The following TENT5C variants were observed in gnomAD, a reference collection of about 807,000 sequenced individuals.
TENT5C encodes terminal nucleotidyltransferase 5C.
A neutral mutation model predicts 22.2 loss-of-function variants in TENT5C; 5 were observed. The ratio of observed to expected loss-of-function variants is 0.22; its 90% CI spans 0.12 to 0.47. The LOEUF is 0.47. TENT5C is among the 20% of genes least tolerant of loss of function. TENT5C has a pLI of 0.99. For synonymous variants in TENT5C, 199 were observed against 195.4 expected, an observed-to-expected ratio of 1.02 and a Z score of -0.15; for missense variants, 364 against 500.9, an observed-to-expected ratio of 0.73 and a Z score of 2.61.
Position 117,624,340 on chromosome 1 carries a change from G to C in TENT5C, c.*296G>C, listed in dbSNP as rs1215884130. On this transcript the variant is annotated 3_prime_UTR_variant, in exon 2 of 2. Transcript: ENST00000369448. ...TGTCATGTCCCAAACATTAGCACGTGGGGGTTGAGCTCTGTGCAGTAATCG... is the reference window on the plus strand; with the variant it reads ...TGTCATGTCCCAAACATTAGCACGTCGGGGTTGAGCTCTGTGCAGTAATCG... 5.0e-6 allele frequency: 2 copies of C among 396,880 alleles called. No homozygotes were observed. Among genetic ancestry groups the C allele is most frequent in the Non-Finnish European group, 4.7e-6 (1 of 213,136 alleles). The allele number at this position is 396,880 out of a possible 1,614,324, so 24.6% of individuals were successfully genotyped here.
In TENT5C at chr1:117,624,763, A is replaced by G. The variant is rs751565800; in HGVS notation, c.*719A>G. 6 of 248,000 alleles carry G rather than the reference A, an allele frequency of 2.4e-5. No individual in the cohort carries two copies. The highest frequency in any genetic ancestry group is 4.2e-5 in the Non-Finnish European group (5 of 118,130). The allele number at this position is 248,000 out of a possible 1,614,324, so 15.4% of individuals were successfully genotyped here. On this transcript the variant is annotated 3_prime_UTR_variant, in exon 2 of 2. Transcript: ENST00000369448. Reference sequence around the variant, plus strand: ...ACCTTTTCTTGAAATGTAACTTGAAAACAAAATAAAATGTGGAACATAATG... The same window carrying G: ...ACCTTTTCTTGAAATGTAACTTGAAGACAAAATAAAATGTGGAACATAATG...
intron 1 of TENT5C, among the ~76,000 whole-genome samples, chr1:117,610,253 G>A (rs115790157): frequency 2.0e-5 from 3 of 152,044 alleles, no homozygotes; most frequent in African/African-American, 4.8e-5. Context: ...CCATCCAAGC[G>A]CACAGGGACT....
intron 1 of TENT5C, among the ~76,000 whole-genome samples, chr1:117,615,923 GA>G (rs1365483180): frequency 1.3e-5 from 2 of 152,352 alleles, no homozygotes; most frequent in East Asian, 3.9e-4. Flanking sequence ...ATAGTGAACA[GA>G]AGGTTGCTGT....
In TENT5C at chr1:117,625,445, G is replaced by T; in HGVS notation, c.*1401G>T. 4.0e-6 allele frequency: 1 copy of T among 248,174 alleles called. No homozygotes were observed. The allele number at this position is 248,174 out of a possible 1,614,324, so 15.4% of individuals were successfully genotyped here. A position where few individuals can be genotyped will look rare whatever the true frequency, so the allele number is the denominator to read the frequency against. On this transcript the variant is annotated 3_prime_UTR_variant, in exon 2 of 2. Coordinates refer to ENST00000369448, the MANE Select transcript of TENT5C (RefSeq NM_017709.4). ...GTAGTTGAAAGAAAGCTTAGTAGATGAGAGAGTTCTAGGCTACTGTGGCTT... is the reference window on the plus strand; with the variant it reads ...GTAGTTGAAAGAAAGCTTAGTAGATTAGAGAGTTCTAGGCTACTGTGGCTT...
At chr1:117,610,725 C>T (rs1653652476) in intron 1 of TENT5C, among the ~76,000 whole-genome samples, 1 of 152,138 alleles carries the variant, frequency 6.6e-6, no homozygotes, top group African/African-American at 2.4e-5. Flanking sequence ...GATGGGGTTT[C>T]ACCATGTTGG....
chr1:117,617,850 T>G lies in TENT5C; in HGVS notation c.-27-4992T>G, dbSNP rs548773323. Among the ~76,000 whole-genome samples the G allele has an allele frequency of 3.3e-5, 5 of 152,378 alleles. No individual in the cohort carries two copies. The South Asian group carries it at 6.2e-4, about 19-fold the overall frequency. On this transcript the variant is annotated intron_variant, in intron 1 of 1. Transcript: ENST00000369448. ...GGCCTATGACTTGGATGTATTCTAG[T>G]AATACCAATGTTTGTCTAAGTAACT... is the stretch of plus-strand genomic sequence containing the variant.
chr1:117,624,022 C>A lies in TENT5C; in HGVS notation c.1154C>A (p.Pro385His), dbSNP rs769091230. 1 of 1,613,232 alleles carries A rather than the reference C, an allele frequency of 6.2e-7. No homozygotes were observed. Among genetic ancestry groups the A allele is most frequent in the East Asian group, 2.2e-5 (1 of 44,866 alleles). The change falls in exon 2 of 2, where the codon CCT becomes CAT. Residue 385 changes from proline to histidine, a missense_variant. Pro to His is a moderately conservative substitution (Grantham distance 77). This residue lies in a region of TENT5C where 54 missense variants were observed against 76.5 expected (regional missense o/e 0.71). Transcript: ENST00000369448. ...CCAGTCACCTACAGCCAGCCTTACC[C>A]TACCTGGCTGCCCTGTAACTAACCT... ...HPPVTYSQPY[P>H]TWLPCN is the part of the protein sequence containing the mutation.
chr1:117,628,062 TA>T lies in TENT5C; in HGVS notation c.*4025del, dbSNP rs949719200. 4.0e-6 allele frequency: 1 copy of T among 248,100 alleles called. No individual in the cohort carries two copies. The highest frequency in any genetic ancestry group is 1.8e-4 in the South Asian group (1 of 5,522). 15.4% of individuals were successfully genotyped at this position (248,100 alleles called of 1,614,324 possible). ...CTAAATACAGATCTGTGGGTGTTTTTAAAAAAACTCAACCTATCTGGTGTTT... is the reference window on the plus strand; with the variant it reads ...CTAAATACAGATCTGTGGGTGTTTTTAAAAAACTCAACCTATCTGGTGTTT... On this transcript the variant is annotated 3_prime_UTR_variant, in exon 2 of 2. Transcript: ENST00000369448.
intron 1 of TENT5C, among the ~76,000 whole-genome samples, chr1:117,611,332 T>A (rs944574255): frequency 2.0e-5 from 3 of 152,230 alleles, no homozygotes; most frequent in Non-Finnish European, 4.4e-5. Context: ...CGCTGCTATC[T>A]CCTGTGCCCA....
chr1:117,622,854 G>C lies in TENT5C; in HGVS notation c.-15G>C, dbSNP rs780631592. 3 of 1,601,450 alleles carry C rather than the reference G, an allele frequency of 1.9e-6. No individual in the cohort carries two copies. The highest frequency in any genetic ancestry group is 2.6e-6 in the Non-Finnish European group (3 of 1,169,802). ...CCCTCACTTTCAGTTTCCCCAGCCAGAACATCCCCTGAAGATGGCAGAGGA... is the reference window on the plus strand; with the variant it reads ...CCCTCACTTTCAGTTTCCCCAGCCACAACATCCCCTGAAGATGGCAGAGGA... On this transcript the variant is annotated 5_prime_UTR_variant, in exon 2 of 2. Transcript: ENST00000369448.
chr1:117,625,884 A>G lies in TENT5C; in HGVS notation c.*1840A>G, dbSNP rs546286689. On this transcript the variant is annotated 3_prime_UTR_variant, in exon 2 of 2. Coordinates refer to ENST00000369448, the MANE Select transcript of TENT5C (RefSeq NM_017709.4). ...CTAGAAGCCACTTCTTAGTGTAATC[A>G]GCTCCTGTTTCCCTGTGAGCCTTAG... The G allele has an allele frequency of 2.8e-5, 7 of 248,062 alleles. No homozygotes were observed. Among genetic ancestry groups the G allele is most frequent in the Non-Finnish European group, 5.1e-5 (6 of 118,076 alleles). 15.4% of individuals were successfully genotyped at this position (248,062 alleles called of 1,614,324 possible). A position where few individuals can be genotyped will look rare whatever the true frequency, so the allele number is the denominator to read the frequency against.
rs1423398747 is a variant in TENT5C at position 117,624,034 on chromosome 1, C to T, written c.1166C>T (p.Pro389Leu). Residue 389 changes from proline (P) to leucine (L), a missense_variant, in exon 2 of 2, where the codon CCC becomes CTC. Pro to Leu is a moderately conservative substitution (Grantham distance 98). Around this residue, in one of 3 missense-constraint regions of TENT5C, gnomAD observed 54 missense variants for 76.5 expected, o/e 0.71. Coordinates refer to ENST00000369448, the MANE Select transcript of TENT5C (RefSeq NM_017709.4). ...TYSQPYPTWL[P>L]CN ...AGCCAGCCTTACCCTACCTGGCTGC[C>T]CTGTAACTAACCTTGAGACCTGAGG... 1 of 1,611,840 alleles carries T rather than the reference C, an allele frequency of 6.2e-7. No homozygotes were observed. Among genetic ancestry groups the T allele is most frequent in the Non-Finnish European group, 8.5e-7 (1 of 1,178,750 alleles).
chr1:117,610,619 G>C (rs184080196), intron 1 of TENT5C, among the ~76,000 whole-genome samples: 1 of 152,134 alleles, frequency 6.6e-6, no homozygotes, highest in Non-Finnish European at 1.5e-5. Flanking sequence ...CCTCCACCTC[G>C]TGGGTTCAAG....
Position 117,623,637 on chromosome 1 carries a change from C to A in TENT5C, c.769C>A (p.Pro257Thr). 6.2e-7 allele frequency: 1 copy of A among 1,613,742 alleles called. No individual in the cohort carries two copies. ...YSNLLVRDFR[P>T]TDQEEIKTLE... ...CAACCTTCTTGTGCGGGACTTCAGG[C>A]CCACAGACCAGGAAGAAATCAAAAC... The change falls in exon 2 of 2, where the codon CCC becomes ACC. Residue 257 changes from proline (P) to threonine (T), a missense_variant. Physicochemically the swap from Pro to Thr is conservative, Grantham distance 38. Transcript: ENST00000369448.
chr1:117,613,151 T>C (rs147568800), intron 1 of TENT5C, among the ~76,000 whole-genome samples: 1 of 152,310 alleles, frequency 6.6e-6, no homozygotes, highest in African/African-American at 2.4e-5. Context: ...AAGAAGCAGT[T>C]GATGGTGGGA....
chr1:117,614,067 G>C (rs1310376678), intron 1 of TENT5C, among the ~76,000 whole-genome samples: 1 of 152,132 alleles, frequency 6.6e-6, no homozygotes, highest in Non-Finnish European at 1.5e-5. Flanking sequence ...TGAAACACTC[G>C]AGTGTCTGTT....
rs1274088318 is a variant in TENT5C at position 117,622,229 on chromosome 1, ATTCTAGTAGAAG to A, written c.-27-612_-27-601del. Among the ~76,000 whole-genome samples the A allele has an allele frequency of 2.0e-5, 3 of 152,174 alleles. No individual in the cohort carries two copies. In the East Asian group the frequency reaches 5.8e-4, roughly 29 times the overall value. ...GAATTTTGCTAAGGGAATATACTTT[ATTCTAGTAGAAG>A]GGGATGGATTCCCACTTATTGGTGA... On this transcript the variant is annotated intron_variant, in intron 1 of 1. Transcript: ENST00000369448.
intron 1 of TENT5C, among the ~76,000 whole-genome samples, chr1:117,621,052 A>G (rs138040189): frequency 6.6e-6 from 1 of 152,224 alleles, no homozygotes; most frequent in Non-Finnish European, 1.5e-5. Flanking sequence ...AATGCCAGTC[A>G]CAGTAAACAT....
chr1:117,610,567 C>T (rs549843310), intron 1 of TENT5C, among the ~76,000 whole-genome samples: 3 of 152,298 alleles, frequency 2.0e-5, no homozygotes, highest in Admixed American at 6.5e-5. Context: ...CTTACTCTGT[C>T]GCCAGGCTGG....
Sources: allele counts gnomAD v4.1 joint callset (sites outside exome capture counted in the v4.1 genomes callset), GRCh38; gene constraint gnomAD v4.1.1; regional missense constraint gnomAD v4.1.1; transcripts MANE v1.5; gene names NCBI Gene and HGNC (gene_info 2026-07-23, HGNC 2026-07-21).